ZNF208: variants seen among roughly 807,000 people sequenced by gnomAD.
ZNF208 encodes zinc finger protein 95.
ZNF208 carries 10 observed loss-of-function variants against 12.1 expected under a neutral mutation model. The ratio of observed to expected loss-of-function variants is 0.83; its 90% CI spans 0.51 to 1.40. ZNF208 has a LOEUF of 1.40. Ranked by LOEUF, ZNF208 falls within the 40% of genes most tolerant of loss-of-function variation. ZNF208 has a pLI of 0.00. For synonymous variants in ZNF208, 497 were observed against 488.4 expected (o/e 1.02, Z -0.23); for missense variants, 1,652 against 1,485.0 (o/e 1.11, Z -1.85).
intron 4 of ZNF208, among the ~76,000 whole-genome samples, chr19:21,955,916 A>G (rs546907497): frequency 6.6e-6 from 1 of 152,254 alleles, no homozygotes; most frequent in East Asian, 1.9e-4. Flanking sequence ...AGGCACTCTG[A>G]TTTTTAGAAT....
chr19:21,951,963 A>C (rs1388886727), intron 4 of ZNF208, among the ~76,000 whole-genome samples: 2 of 152,228 alleles, frequency 1.3e-5, no homozygotes, highest in African/African-American at 4.8e-5. Flanking sequence ...TGCCTTTCCC[A>C]AGGTCTTAGC....
At chr19:22,001,524 T>C (rs1970945993) in intron 1 of ZNF208, among the ~76,000 whole-genome samples, 1 of 152,084 alleles carries the variant, frequency 6.6e-6, no homozygotes, top group South Asian at 2.1e-4. Flanking sequence ...ATCATTCTGA[T>C]ACCAAAACCT....
At chr19:21,986,264 T>C (rs1568450423) in intron 3 of ZNF208, among the ~76,000 whole-genome samples, 2 of 152,100 alleles carry the variant, frequency 1.3e-5, no homozygotes, top group East Asian at 1.9e-4. Context: ...ATGTTCTCTA[T>C]AAAAAACCAT....
chr19:22,001,892 C>CAAAAAAAAAA (rs58939967), intron 1 of ZNF208, among the ~76,000 whole-genome samples: 1,031 of 74,094 alleles, frequency 0.014, 276 homozygotes, highest in East Asian at 0.023. Flanking sequence ...GACTCCATCC[C>CAAAAAAAAAA]AAAAAAAAAA....
At chr19:21,956,241 GC>G (rs1969974013) in intron 4 of ZNF208, among the ~76,000 whole-genome samples, 1 of 152,160 alleles carries the variant, frequency 6.6e-6, no homozygotes, top group African/African-American at 2.4e-5. Flanking sequence ...GTGTCAGTCG[GC>G]CCCTACTGGG....
chr19:21,963,277 T>C (rs1387024893), downstream of ZNF208, among the ~76,000 whole-genome samples: 1 of 152,130 alleles, frequency 6.6e-6, no homozygotes, highest in Admixed American at 6.6e-5. Context: ...CCAAGCTTTA[T>C]GGAATTTTGT....
At chr19:21,981,108 TC>T (rs1250906291) in intron 3 of ZNF208, among the ~76,000 whole-genome samples, 3 of 152,036 alleles carry the variant, frequency 2.0e-5, no homozygotes, top group Admixed American at 2.0e-4. Flanking sequence ...CCCGATGGAT[TC>T]ACAACCTTTG....
chr19:21,973,401 C>T lies in ZNF208; in HGVS notation c.1633G>A (p.Val545Ile), dbSNP rs1288467042. 6.2e-7 allele frequency: 1 copy of T among 1,610,650 alleles called. No individual in the cohort carries two copies. Among genetic ancestry groups the T allele is most frequent in the South Asian group, 1.1e-5 (1 of 90,942 alleles). The stretch of plus-strand genomic sequence containing the variant: ...TAGGGTTTCTCTCCAGTATGAATTA[C>T]CTTATGTTTAGTAAGGATTGAGAAT... ...STFSILTKHK[V>I]IHTGEKPYKC... Residue 545 changes from valine to isoleucine, a missense_variant, in exon 4 of 4, where the codon GTA (valine) becomes ATA (isoleucine). By Grantham distance (29) the Val-to-Ile change is conservative (BLOSUM62 3). Coordinates refer to ENST00000397126, the MANE Select transcript of ZNF208 (RefSeq NM_007153.3).
chr19:21,959,243 T>C (rs978570264), intron 4 of ZNF208, among the ~76,000 whole-genome samples: 10 of 152,160 alleles, frequency 6.6e-5, no homozygotes, highest in African/African-American at 1.9e-4. Context: ...TACAGCAACA[T>C]AATACTTCAC....
chr19:22,005,313 T>A (rs753931766), intron 1 of ZNF208, among the ~76,000 whole-genome samples: 4 of 152,184 alleles, frequency 2.6e-5, no homozygotes, highest in African/African-American at 4.8e-5. Flanking sequence ...TCATCAGATC[T>A]CTTTTAAGTT....
Position 22,008,033 on chromosome 19 carries a change from G to A in ZNF208, c.3+2759C>T, listed in dbSNP as rs1357995156. On this transcript the variant is annotated intron_variant, in intron 1 of 3. Coordinates refer to ENST00000397126, the MANE Select transcript of ZNF208 (RefSeq NM_007153.3). ...AAAAAAAAAAAAAAGGGCCGGGCGC[G>A]GTGGCTCACACCTGTAATCCCACCA... is the stretch of plus-strand genomic sequence containing the variant. 8.5e-5 allele frequency among the ~76,000 whole-genome samples: 12 copies of A among 140,718 alleles called. No homozygotes were observed. The South Asian group carries it at 9.0e-4, about 11-fold the overall frequency. 92.3% of individuals were successfully genotyped at this position (140,718 alleles called of 152,430 possible).
chr19:22,009,031 A>G (rs748199528), intron 1 of ZNF208, among the ~76,000 whole-genome samples: 1 of 152,198 alleles, frequency 6.6e-6, no homozygotes, highest in Non-Finnish European at 1.5e-5. Context: ...GTCTGAGGAC[A>G]CATCTCCCTA....
At position 21,971,066 on chromosome 19, in the gene ZNF208, T is replaced by A; in HGVS notation, c.*125A>T. On this transcript the variant is annotated 3_prime_UTR_variant, in exon 4 of 4. Coordinates refer to ENST00000397126, the MANE Select transcript of ZNF208 (RefSeq NM_007153.3). ...ATGAATTCTCTTATGTTCCATAAGG[T>A]TTGAGGACCAGTTGAAAGCCTCACC... is the stretch of plus-strand genomic sequence containing the variant. 6.2e-7 allele frequency: 1 copy of A among 1,610,906 alleles called. No homozygotes were observed. The highest frequency in any genetic ancestry group is 1.3e-5 in the African/African-American group (1 of 74,446).
At chr19:22,000,217 C>T (rs1469124802) in intron 1 of ZNF208, among the ~76,000 whole-genome samples, 1 of 152,204 alleles carries the variant, frequency 6.6e-6, no homozygotes, top group Non-Finnish European at 1.5e-5. Context: ...TCCTAATAGA[C>T]ATCTACAGAA....
At chr19:21,947,251 A>G (rs1242695169) in intron 4 of ZNF208, among the ~76,000 whole-genome samples, 1 of 152,146 alleles carries the variant, frequency 6.6e-6, no homozygotes, top group East Asian at 1.9e-4. Context: ...CCCTGAGTAA[A>G]TACCCTCCTT....
intron 4 of ZNF208, chr19:21,941,065 C>G (rs1401444979): frequency 2.1e-5 from 6 of 288,994 alleles, no homozygotes; most frequent in Non-Finnish European, 3.2e-5. Context: ...GGAGGTGCCC[C>G]GCAGAGGAGG....
intron 4 of ZNF208, among the ~76,000 whole-genome samples, chr19:21,942,844 T>G (rs551817885): frequency 6.6e-6 from 1 of 152,070 alleles, no homozygotes; most frequent in African/African-American, 2.4e-5. Context: ...AGAGATGGGG[T>G]TTCACTATGT....
At chr19:21,940,578 C>G (rs76319388) in intron 4 of ZNF208, 1 of 152,028 alleles carries the variant, frequency 6.6e-6, no homozygotes, top group Non-Finnish European at 1.5e-5. Flanking sequence ...CTCTCTCTCT[C>G]TATATATATT....
chr19:21,960,782 C>T (rs1184642637), intron 4 of ZNF208, among the ~76,000 whole-genome samples: 1 of 152,208 alleles, frequency 6.6e-6, no homozygotes. Flanking sequence ...GAAGCCTCTG[C>T]AGCTGTGTGA....
Sources: allele counts gnomAD v4.1 joint callset (sites outside exome capture counted in the v4.1 genomes callset), GRCh38; gene constraint gnomAD v4.1.1; transcripts MANE v1.5; gene names NCBI Gene and HGNC (gene_info 2026-07-23, HGNC 2026-07-21).